ATG4C: variants seen among roughly 807,000 people sequenced by gnomAD.
The protein encoded by ATG4C is cysteine protease ATG4C.
Under a neutral mutation model 57.6 loss-of-function variants are expected in ATG4C, and 56 were observed. The observed-to-expected ratio is 0.97, with a 90% CI of 0.78 to 1.21. The LOEUF is 1.21. Ranked by LOEUF, ATG4C falls within the 50% of genes most tolerant of loss-of-function variation. The pLI is 0.00. For missense variants in ATG4C, 595 were observed against 529.8 expected, an observed-to-expected ratio of 1.12 and a Z score of -1.21; for synonymous variants, 157 against 174.1, an observed-to-expected ratio of 0.90 and a Z score of 0.78.
In ATG4C at chr1:62,864,235, A is replaced by G. The variant is rs1666940683; in HGVS notation, c.*76A>G. The G allele has an allele frequency of 1.5e-5, 18 of 1,203,230 alleles. No individual in the cohort carries two copies. In the East Asian group the frequency reaches 4.8e-4, roughly 32 times the overall value. 74.5% of individuals were successfully genotyped at this position (1,203,230 alleles called of 1,614,324 possible). The stretch of plus-strand genomic sequence containing the variant: ...ATGAAGAGAAACAAGTATATCTGAA[A>G]TGTTTATTTTCACAAATATCTTAAT... On this transcript the variant is annotated 3_prime_UTR_variant, in exon 11 of 11. Transcript: ENST00000317868.
rs11330137 is a variant in ATG4C, at chr1:62,852,750, ATT to A, written c.1209+11214_1209+11215del. Among the ~76,000 whole-genome samples the A allele has an allele frequency of 4.7e-4, 68 of 144,666 alleles. 1 individual carries two copies. In the East Asian group the frequency reaches 7.1e-3, roughly 15 times the overall value. The allele number at this position is 144,666 out of a possible 152,430, so 94.9% of individuals were successfully genotyped here. A position where few individuals can be genotyped will look rare whatever the true frequency, so the allele number is the denominator to read the frequency against. ...CATTTCCTTAGTTCTGTTTTTACCTATTTTTTTTTTTTCTAAATGTTCAGTTA... is the reference window on the plus strand; with the variant it reads ...CATTTCCTTAGTTCTGTTTTTACCTATTTTTTTTTTCTAAATGTTCAGTTA... On this transcript the variant is annotated intron_variant, in intron 10 of 10. Coordinates refer to ENST00000317868, the MANE Select transcript of ATG4C (RefSeq NM_032852.4).
chr1:62,854,597 G>A (rs1368155922), intron 10 of ATG4C, among the ~76,000 whole-genome samples: 1 of 151,870 alleles, frequency 6.6e-6, no homozygotes. Flanking sequence ...TTAATCATCT[G>A]GTTTTTCTTT....
At chr1:62,851,395 T>C (rs796890656) in intron 10 of ATG4C, among the ~76,000 whole-genome samples, 11 of 152,322 alleles carry the variant, frequency 7.2e-5, no homozygotes, top group African/African-American at 2.6e-4. Flanking sequence ...CCTCCTCAGG[T>C]ATATTCACTT....
chr1:62,841,362 A>G lies in ATG4C; in HGVS notation c.1090-66A>G, dbSNP rs544582644. 3.7e-6 allele frequency: 5 copies of G among 1,348,498 alleles called. No individual in the cohort carries two copies. The African/African-American group carries it at 7.5e-5, about 20-fold the overall frequency. 83.5% of individuals were successfully genotyped at this position (1,348,498 alleles called of 1,614,324 possible). A position where few individuals can be genotyped will look rare whatever the true frequency, so the allele number is the denominator to read the frequency against. ...GAAAAAGCTAGATAGAAAATTTTAA[A>G]TAATAGTTTTATATATACTTGTCTA... is the stretch of plus-strand genomic sequence containing the variant. On this transcript the variant is annotated intron_variant, in intron 9 of 10. Transcript: ENST00000317868.
intron 10 of ATG4C, among the ~76,000 whole-genome samples, chr1:62,857,081 C>G (rs189643187): frequency 2.0e-3 from 302 of 152,204 alleles, no homozygotes; most frequent in African/African-American, 7.1e-3. Flanking sequence ...TCGCCCAGAA[C>G]TTTTATGTCT....
At chr1:62,852,110 G>T (rs1666535320) in intron 10 of ATG4C, among the ~76,000 whole-genome samples, 2 of 152,092 alleles carry the variant, frequency 1.3e-5, no homozygotes, top group African/African-American at 2.4e-5. Flanking sequence ...TCTCCAGCTG[G>T]CCTATTCAGT....
chr1:62,814,208 G>A (rs1011339833), intron 3 of ATG4C, among the ~76,000 whole-genome samples: 2 of 152,100 alleles, frequency 1.3e-5, no homozygotes, highest in African/African-American at 4.8e-5. Context: ...ATGCCCATCA[G>A]TGATAGACTG....
At chr1:62,833,724 T>C (rs760925855) in intron 7 of ATG4C, among the ~76,000 whole-genome samples, 52 of 152,090 alleles carry the variant, frequency 3.4e-4, no homozygotes, top group Admixed American at 2.5e-3. Flanking sequence ...GAAGGCTAAG[T>C]GTATTGGCTT....
chr1:62,841,356 T>A, intron 9 of ATG4C, 72 bp from the exon 10 acceptor site: 2 of 1,313,970 alleles, frequency 1.5e-6, no homozygotes, highest in Non-Finnish European at 2.1e-6. Flanking sequence ...AGATAGAAAA[T>A]TTTAAATAAT....
At position 62,864,408 on chromosome 1, in the gene ATG4C, T is replaced by C. The variant is rs1666944866; in HGVS notation, c.*249T>C. 3.1e-6 allele frequency: 1 copy of C among 321,710 alleles called. No homozygotes were observed. Among genetic ancestry groups the C allele is most frequent in the Admixed American group, 5.1e-5 (1 of 19,558 alleles). 19.9% of individuals were successfully genotyped at this position (321,710 alleles called of 1,614,324 possible). On this transcript the variant is annotated 3_prime_UTR_variant, in exon 11 of 11. Coordinates refer to ENST00000317868, the MANE Select transcript of ATG4C (RefSeq NM_032852.4). ...CTATTTCCCTAAGATCTACTAGTGA[T>C]AATTCTACCTTAACTGTAAGCCTTT... is the stretch of plus-strand genomic sequence containing the variant.
At chr1:62,861,439 G>T (rs1300587715) in intron 10 of ATG4C, among the ~76,000 whole-genome samples, 1 of 151,956 alleles carries the variant, frequency 6.6e-6, no homozygotes, top group Non-Finnish European at 1.5e-5. Flanking sequence ...CAGCTACTCG[G>T]GAGCCTGAAG....
At chr1:62,816,399 A>G (rs982723548) in intron 3 of ATG4C, among the ~76,000 whole-genome samples, 176 bp from the exon 4 acceptor site, 2 of 152,178 alleles carry the variant, frequency 1.3e-5, no homozygotes, top group Admixed American at 1.3e-4. Flanking sequence ...CTTGATTTTC[A>G]TAGGCAGTCA....
At chr1:62,801,906 T>C (rs1187112257) in intron 1 of ATG4C, among the ~76,000 whole-genome samples, 1 of 119,852 alleles carries the variant, frequency 8.3e-6, no homozygotes, top group Non-Finnish European at 1.6e-5. Flanking sequence ...TGCAGTGAGC[T>C]GAGATTGCGC....
intron 9 of ATG4C, among the ~76,000 whole-genome samples, chr1:62,836,689 A>G (rs953865020): frequency 8.5e-5 from 13 of 152,112 alleles, no homozygotes; most frequent in Non-Finnish European, 1.9e-4. Context: ...AATGTAAAAA[A>G]TTATATGCAT....
chr1:62,864,003 T>G lies in ATG4C; in HGVS notation c.1221T>G (p.Phe407Leu). Residue 407 changes from phenylalanine to leucine, a missense_variant, in exon 11 of 11, where the codon TTT becomes TTG. Physicochemically the swap from Phe to Leu is conservative, Grantham distance 22. Transcript: ENST00000317868. ...ASEEITKMLK[F>L]SSKEKYPLFT... ...ACTTTCTGTTACAGATGCTGAAATT[T>G]TCTTCTAAGGAGAAATATCCCTTAT... is the stretch of plus-strand genomic sequence containing the variant. 1 of 1,571,438 alleles carries G rather than the reference T, an allele frequency of 6.4e-7. No homozygotes were observed. The highest frequency in any genetic ancestry group is 8.6e-7 in the Non-Finnish European group (1 of 1,163,190).
At chr1:62,851,363 T>G (rs1025771380) in intron 10 of ATG4C, among the ~76,000 whole-genome samples, 1 of 152,216 alleles carries the variant, frequency 6.6e-6, no homozygotes, top group African/African-American at 2.4e-5. Flanking sequence ...CCTTGCCATT[T>G]TACTTCCCAC....
chr1:62,852,750 A>ATT (rs11330137), intron 10 of ATG4C, among the ~76,000 whole-genome samples: 25 of 144,672 alleles, frequency 1.7e-4, no homozygotes, highest in Non-Finnish European at 2.4e-4. Context: ...GTTTTTACCT[A>ATT]TTTTTTTTTT....
At chr1:62,791,113 CTTAATAG>C (rs1374884010) in intron 1 of ATG4C, among the ~76,000 whole-genome samples, 3 of 152,082 alleles carry the variant, frequency 2.0e-5, no homozygotes, top group Non-Finnish European at 4.4e-5. Flanking sequence ...AAATATGTCT[CTTAATAG>C]TTATGATACT....
In ATG4C at chr1:62,834,096, A is replaced by G; in HGVS notation, c.992A>G (p.Tyr331Cys). 2.5e-6 allele frequency: 4 copies of G among 1,612,798 alleles called. No individual in the cohort carries two copies. In the South Asian group the frequency reaches 4.4e-5, roughly 18 times the overall value. ...GIIGGKPKQS[Y>C]YFAGFQDDSL... ...ATTGGTGGCAAACCTAAACAGTCAT[A>G]TTACTTTGCTGGATTTCAAGGTTAG... Residue 331 changes from tyrosine to cysteine, a missense_variant, in exon 8 of 11, where the codon TAT becomes TGT. Physicochemically the swap from Tyr to Cys is radical, Grantham distance 194. Transcript: ENST00000317868.
Sources: allele counts gnomAD v4.1 joint callset (sites outside exome capture counted in the v4.1 genomes callset), GRCh38; gene constraint gnomAD v4.1.1; transcripts MANE v1.5; gene names NCBI Gene and HGNC (gene_info 2026-07-23, HGNC 2026-07-21).